BRINP3: variants seen among roughly 807,000 people sequenced by gnomAD.
The protein encoded by BRINP3 is BMP/retinoic acid inducible neural specific 3.
In BRINP3, 19 loss-of-function variants were observed where a neutral mutation model predicts 71.0. That is an observed-to-expected ratio of 0.27 (90% CI 0.19 to 0.39). BRINP3 has a LOEUF of 0.39. Ranked by LOEUF, BRINP3 falls within the 10% of genes least tolerant of loss-of-function variation. The pLI is 1.00. For synonymous variants in BRINP3, 380 were observed against 337.7 expected, an observed-to-expected ratio of 1.13 and a Z score of -1.37; for missense variants, 959 against 940.8, an observed-to-expected ratio of 1.02 and a Z score of -0.25.
intron 2 of BRINP3, among the ~76,000 whole-genome samples, chr1:190,313,696 T>C (rs1159223639): frequency 6.6e-6 from 1 of 151,944 alleles, no homozygotes; most frequent in Non-Finnish European, 1.5e-5. Context: ...AAAACAACCC[T>C]TGAGATAGCT....
rs556482349 is a variant in BRINP3, at chr1:190,321,677, C to T, written c.237-39927G>A. Reference sequence around the variant, plus strand: ...CTCATCATCATTATTCATTAATTGACGTTTTATTATCTTTGCTTTGGAAAC... The same window carrying T: ...CTCATCATCATTATTCATTAATTGATGTTTTATTATCTTTGCTTTGGAAAC... On this transcript the variant is annotated intron_variant, in intron 2 of 7. Coordinates refer to ENST00000367462, the MANE Select transcript of BRINP3 (RefSeq NM_199051.3). Among the ~76,000 whole-genome samples, 45 of 152,084 alleles carry T rather than the reference C, an allele frequency of 3.0e-4. No homozygotes were observed. In the South Asian group the frequency reaches 5.0e-3, roughly 17 times the overall value.
At chr1:190,256,659 G>C (rs1660689015) in intron 4 of BRINP3, among the ~76,000 whole-genome samples, 4 of 152,058 alleles carry the variant, frequency 2.6e-5, no homozygotes, top group Admixed American at 1.3e-4. Flanking sequence ...CTTCCTTCAG[G>C]AACTCTTGTA....
chr1:190,471,686 A>C (rs1677148360), intron 1 of BRINP3, among the ~76,000 whole-genome samples: 2 of 151,360 alleles, frequency 1.3e-5, no homozygotes, highest in African/African-American at 4.8e-5. Context: ...ATTACATGAA[A>C]ATATTTTAAT....
chr1:190,434,234 G>A (rs531631576), intron 2 of BRINP3, among the ~76,000 whole-genome samples: 11 of 151,724 alleles, frequency 7.3e-5, no homozygotes, highest in South Asian at 2.1e-4. Context: ...ACCAGCCTCC[G>A]GAACAGCTGG....
At chr1:190,242,156 G>C (rs190775437) in intron 4 of BRINP3, among the ~76,000 whole-genome samples, 5 of 151,742 alleles carry the variant, frequency 3.3e-5, no homozygotes, top group Admixed American at 1.3e-4. Flanking sequence ...CAAAATGTTC[G>C]TCTCAGAATA....
intron 7 of BRINP3, among the ~76,000 whole-genome samples, chr1:190,147,535 A>G (rs183468319): frequency 7.0e-4 from 106 of 152,330 alleles, no homozygotes; most frequent in Non-Finnish European, 8.8e-5. Flanking sequence ...AAAATTCTTC[A>G]GTCATATTTT....
At chr1:190,401,538 C>T (rs1410430110) in intron 2 of BRINP3, among the ~76,000 whole-genome samples, 3 of 151,924 alleles carry the variant, frequency 2.0e-5, no homozygotes, top group African/African-American at 4.8e-5. Context: ...GAGAGCATCA[C>T]CAGGAGCTTA....
At chr1:190,252,878 G>A (rs534615798) in intron 4 of BRINP3, among the ~76,000 whole-genome samples, 9 of 151,904 alleles carry the variant, frequency 5.9e-5, no homozygotes, top group African/African-American at 2.2e-4. Flanking sequence ...GTTTGCTGCA[G>A]CCATTAACTC....
intron 7 of BRINP3, among the ~76,000 whole-genome samples, chr1:190,127,703 C>T (rs1175902966): frequency 6.6e-6 from 1 of 151,830 alleles, no homozygotes; most frequent in Non-Finnish European, 1.5e-5. Context: ...AAAGATTGCA[C>T]ATTTCAGTTT....
At chr1:190,298,918 A>G (rs1664458158) in intron 2 of BRINP3, among the ~76,000 whole-genome samples, 1 of 152,148 alleles carries the variant, frequency 6.6e-6, no homozygotes, top group Non-Finnish European at 1.5e-5. Context: ...ATCCATCAAT[A>G]GTTGTGAATT....
intron 2 of BRINP3, among the ~76,000 whole-genome samples, chr1:190,325,058 A>G (rs190751326): frequency 2.2e-4 from 33 of 152,044 alleles, no homozygotes; most frequent in Middle Eastern, 3.4e-3. Flanking sequence ...AAACTAAATA[A>G]TCGGCAGCAT....
intron 7 of BRINP3, among the ~76,000 whole-genome samples, chr1:190,140,551 T>G (rs1655347964): frequency 6.6e-6 from 1 of 152,180 alleles, no homozygotes; most frequent in African/African-American, 2.4e-5. Context: ...ACTTTTATAT[T>G]AATACAGTTT....
intron 6 of BRINP3, among the ~76,000 whole-genome samples, chr1:190,190,568 A>G (rs1187063200): frequency 2.6e-5 from 4 of 152,126 alleles, no homozygotes; most frequent in African/African-American, 7.2e-5. Context: ...TGAAGTCTTG[A>G]TAATACAAAA....
At chr1:190,170,816 A>G (rs983395838) in intron 6 of BRINP3, among the ~76,000 whole-genome samples, 2 of 152,184 alleles carry the variant, frequency 1.3e-5, no homozygotes, top group African/African-American at 2.4e-5. Flanking sequence ...AATTAGTAGT[A>G]CATATTCATG....
chr1:190,463,560 T>G lies in BRINP3; in HGVS notation c.-50-8620A>C, dbSNP rs138727080. On this transcript the variant is annotated intron_variant, in intron 1 of 7. Coordinates refer to ENST00000367462, the MANE Select transcript of BRINP3 (RefSeq NM_199051.3). The stretch of plus-strand genomic sequence containing the variant: ...CAGGTATTATATTCCATGAACATAT[T>G]CAAACATAAATAAATAAGGTAATAC... Among the ~76,000 whole-genome samples, 525 of 151,920 alleles carry G rather than the reference T, an allele frequency of 3.5e-3. 3 individuals are homozygous for G. Among genetic ancestry groups the G allele is most frequent in the African/African-American group, 0.012 (487 of 41,558 alleles).
At chr1:190,252,015 T>C (rs951003772) in intron 4 of BRINP3, among the ~76,000 whole-genome samples, 3 of 152,056 alleles carry the variant, frequency 2.0e-5, no homozygotes, top group African/African-American at 7.2e-5. Flanking sequence ...CAAGTCTCTC[T>C]ACTAAAGATT....
chr1:190,197,706 G>A (rs937167022), intron 6 of BRINP3, among the ~76,000 whole-genome samples: 4 of 152,166 alleles, frequency 2.6e-5, no homozygotes, highest in Non-Finnish European at 5.9e-5. Context: ...CACCTCTGTG[G>A]CTTTGCAGGG....
chr1:190,424,922 C>G (rs751098746), intron 2 of BRINP3, among the ~76,000 whole-genome samples: 14 of 151,246 alleles, frequency 9.3e-5, no homozygotes, highest in Non-Finnish European at 1.8e-4. Flanking sequence ...AACAGCACAC[C>G]CTGGGAGGTG....
In BRINP3 at chr1:190,429,301, T is replaced by C. The variant is rs536730998; in HGVS notation, c.236+25354A>G. Among the ~76,000 whole-genome samples the C allele has an allele frequency of 1.4e-4, 22 of 152,284 alleles. No homozygotes were observed. In the Middle Eastern group the frequency reaches 0.017, roughly 118 times the overall value. ...ATAGACTGGAAAGAATTTAAATGTA[T>C]AGCACTAGAAAAATGTTTTTAATAA... On this transcript the variant is annotated intron_variant, in intron 2 of 7. Transcript: ENST00000367462.
Sources: allele counts gnomAD v4.1 joint callset (sites outside exome capture counted in the v4.1 genomes callset), GRCh38; gene constraint gnomAD v4.1.1; transcripts MANE v1.5; gene names NCBI Gene and HGNC (gene_info 2026-07-23, HGNC 2026-07-21).